OGFRL1: variants seen among roughly 807,000 people sequenced by gnomAD.
OGFRL1 encodes the protein opioid growth factor receptor-like protein 1.
OGFRL1 carries 26 observed loss-of-function variants against 32.4 expected under a neutral mutation model. The ratio of observed to expected loss-of-function variants is 0.80; its 90% CI spans 0.59 to 1.11. The LOEUF is 1.11. Among genes scored for constraint, OGFRL1 ranks in the 50% most tolerant of loss-of-function variants. OGFRL1 has a pLI of 0.00. For synonymous variants in OGFRL1, 211 were observed against 201.2 expected (o/e 1.05, Z -0.41); for missense variants, 521 against 546.4 (o/e 0.95, Z 0.46).
chr6:71,298,176 ACTCATAACT>A (rs1291191538), intron 6 of OGFRL1, among the ~76,000 whole-genome samples: 1 of 151,962 alleles, frequency 6.6e-6, no homozygotes, highest in East Asian at 1.9e-4. Flanking sequence ...AGATCCATTA[ACTCATAACT>A]CAAATTTGAC....
At chr6:71,291,313 G>T (rs962475191) in intron 1 of OGFRL1, 2 of 151,322 alleles carry the variant, frequency 1.3e-5, no homozygotes, top group East Asian at 3.9e-4. Flanking sequence ...TTTTGTTGGA[G>T]TGCTGAGGAC....
intron 1 of OGFRL1, chr6:71,289,500 T>G (rs1765973157): frequency 1.0e-6 from 1 of 966,108 alleles, no homozygotes; most frequent in South Asian, 4.8e-5. Context: ...GGGAGGAACC[T>G]GTCTAAAAAT....
Position 71,289,097 on chromosome 6 carries a change from C to A in OGFRL1, c.161C>A (p.Pro54Gln), listed in dbSNP as rs1001213528. The A allele has an allele frequency of 1.8e-6, 2 of 1,116,938 alleles. No individual in the cohort carries two copies. The highest frequency in any genetic ancestry group is 2.2e-6 in the Non-Finnish European group (2 of 915,720). 69.2% of individuals were successfully genotyped at this position (1,116,938 alleles called of 1,614,324 possible). A position where few individuals can be genotyped will look rare whatever the true frequency, so the allele number is the denominator to read the frequency against. The part of the protein sequence containing the change: ...GQESEQPAQP[P>Q]EQAGGRPGAS... ...GAGTCCGAGCAGCCCGCGCAGCCCCCGGAGCAAGCCGGCGGGCGGCCCGGC... is the reference window on the plus strand; with the variant it reads ...GAGTCCGAGCAGCCCGCGCAGCCCCAGGAGCAAGCCGGCGGGCGGCCCGGC... Residue 54 changes from proline to glutamine, a missense_variant, in exon 1 of 7, where the codon CCG becomes CAG. Coordinates refer to ENST00000370435, the MANE Select transcript of OGFRL1 (RefSeq NM_024576.5).
At chr6:71,295,483 G>A (rs1034864743) in intron 3 of OGFRL1, 5 of 152,126 alleles carry the variant, frequency 3.3e-5, no homozygotes, top group African/African-American at 9.7e-5. Flanking sequence ...TTTTGTTTTT[G>A]TAAGTTCTTG....
At position 71,301,832 on chromosome 6, in the gene OGFRL1, C is replaced by A; in HGVS notation, c.1139C>A (p.Pro380His). 1 of 1,612,990 alleles carries A rather than the reference C, an allele frequency of 6.2e-7. No homozygotes were observed. Among genetic ancestry groups the A allele is most frequent in the East Asian group, 2.2e-5 (1 of 44,882 alleles). Residue 380 changes from proline (P) to histidine (H), a missense_variant, in exon 7 of 7, where the codon CCC becomes CAC. Pro to His is a moderately conservative substitution (Grantham distance 77). Transcript: ENST00000370435. ...GAGCCTGTGGAAGAGACAGACAGGC[C>A]CAGCCCAGAGCCCAGCAATGAAGCT... ...PKEPVEETDR[P>H]SPEPSNEAAK...
chr6:71,296,669 T>C lies in OGFRL1; in HGVS notation c.547-3T>C. The C allele has an allele frequency of 1.9e-6, 3 of 1,609,370 alleles. No individual in the cohort carries two copies. The highest frequency in any genetic ancestry group is 2.5e-6 in the Non-Finnish European group (3 of 1,178,402). On this transcript the variant is annotated splice_region_variant and splice_polypyrimidine_tract_variant and intron_variant, in intron 5 of 6. Coordinates refer to ENST00000370435, the MANE Select transcript of OGFRL1 (RefSeq NM_024576.5). ...AGGTGACTTTTTTCATTTTTTATAT[T>C]AGGAATTCAAAAAAACAAAAGAAGC...
At position 71,301,529 on chromosome 6, in the gene OGFRL1, C is replaced by T; in HGVS notation, c.836C>T (p.Ala279Val). 4 of 1,614,092 alleles carry T rather than the reference C, an allele frequency of 2.5e-6. No individual in the cohort carries two copies. The highest frequency in any genetic ancestry group is 3.4e-6 in the Non-Finnish European group (4 of 1,180,016). ...ENTIPNIKQS[A>V]LEYFVYTIRD... The stretch of plus-strand genomic sequence containing the variant: ...ACTATTCCCAATATTAAGCAGAGTG[C>T]TCTAGAGTATTTTGTTTATACAATT... The change falls in exon 7 of 7, where the codon GCT becomes GTT. Residue 279 changes from alanine to valine, a missense_variant. Coordinates refer to ENST00000370435, the MANE Select transcript of OGFRL1 (RefSeq NM_024576.5).
intron 6 of OGFRL1, among the ~76,000 whole-genome samples, chr6:71,298,396 G>A (rs1205857570): frequency 6.6e-6 from 1 of 152,054 alleles, no homozygotes; most frequent in Non-Finnish European, 1.5e-5. Flanking sequence ...TGTACTTAAC[G>A]ACTATCATTT....
At chr6:71,289,892 A>T in intron 1 of OGFRL1, 3 of 894,194 alleles carry the variant, frequency 3.4e-6, no homozygotes, top group Non-Finnish European at 4.0e-6. Flanking sequence ...TATGTAGCCG[A>T]CCCCCTGAAG....
chr6:71,299,120 C>G (rs1350729974), intron 6 of OGFRL1, among the ~76,000 whole-genome samples: 1 of 152,030 alleles, frequency 6.6e-6, no homozygotes, highest in African/African-American at 2.4e-5. Context: ...ATATTTAGAC[C>G]CTGGGGAGCC....
intron 6 of OGFRL1, 35 bp from the exon 7 acceptor site, chr6:71,301,351 T>G: frequency 6.7e-7 from 1 of 1,498,032 alleles, no homozygotes; most frequent in South Asian, 1.3e-5. Context: ...TACACCTGAT[T>G]TCCCCCACTC....
In OGFRL1 at chr6:71,304,982, C is replaced by T. The variant is rs1206829624; in HGVS notation, c.*2933C>T. The T allele has an allele frequency of 6.6e-6, 1 of 151,790 alleles. No individual in the cohort carries two copies. The highest frequency in any genetic ancestry group is 1.5e-5 in the Non-Finnish European group (1 of 67,838). 9.4% of individuals were successfully genotyped at this position (151,790 alleles called of 1,614,324 possible). ...TCTATAGATATGTATTTATGTGTGTCTTATATATGAAACAGTGCTCTGGGT... is the reference window on the plus strand; with the variant it reads ...TCTATAGATATGTATTTATGTGTGTTTTATATATGAAACAGTGCTCTGGGT... On this transcript the variant is annotated 3_prime_UTR_variant, in exon 7 of 7. Coordinates refer to ENST00000370435, the MANE Select transcript of OGFRL1 (RefSeq NM_024576.5).
Position 71,308,202 on chromosome 6 carries a change from G to A in OGFRL1, c.*6153G>A, listed in dbSNP as rs1314172618. On this transcript the variant is annotated 3_prime_UTR_variant, in exon 7 of 7. Transcript: ENST00000370435. ...AAGTTGATGGTCTGGCTGCAGATAAGAGAAAGACTCAGTGATAGGTGGTTT... is the reference window on the plus strand; with the variant it reads ...AAGTTGATGGTCTGGCTGCAGATAAAAGAAAGACTCAGTGATAGGTGGTTT... 6.6e-6 allele frequency: 1 copy of A among 152,226 alleles called. No individual in the cohort carries two copies. Among genetic ancestry groups the A allele is most frequent in the Admixed American group, 6.5e-5 (1 of 15,276 alleles). The allele number at this position is 152,226 out of a possible 1,614,324, so 9.4% of individuals were successfully genotyped here.
At chr6:71,290,406 T>A (rs1374335416) in intron 1 of OGFRL1, among the ~76,000 whole-genome samples, 1 of 152,202 alleles carries the variant, frequency 6.6e-6, no homozygotes, top group Non-Finnish European at 1.5e-5. Flanking sequence ...TCTCATGTTT[T>A]TCCCTTACGT....
At chr6:71,289,375 T>A in intron 1 of OGFRL1, 1 of 984,372 alleles carries the variant, frequency 1.0e-6, no homozygotes, top group Non-Finnish European at 1.2e-6. Context: ...ACCCTCCCAC[T>A]GCCGGCCTGG....
rs748613667 is a variant in OGFRL1 at position 71,293,355 on chromosome 6, G to A, written c.297G>A (p.Leu99=). ...GAAGTTTTTATGCTGCCAGGGATTT[G>A]TACAAGTACCGACACCAGTACCCAG... ...PKRSFYAARD[L]YKYRHQYPNF... Residue 99 remains leucine, a synonymous_variant, in exon 2 of 7, where the codon TTG becomes TTA. Transcript: ENST00000370435. 1 of 1,613,812 alleles carries A rather than the reference G, an allele frequency of 6.2e-7. No individual in the cohort carries two copies. The highest frequency in any genetic ancestry group is 8.5e-7 in the Non-Finnish European group (1 of 1,179,852).
chr6:71,301,775 A>C lies in OGFRL1; in HGVS notation c.1082A>C (p.Lys361Thr), dbSNP rs182141917. Residue 361 changes from lysine (K) to threonine (T), a missense_variant, in exon 7 of 7, where the codon AAA becomes ACA. Lys to Thr is a moderately conservative substitution (Grantham distance 78, BLOSUM62 -1). Transcript: ENST00000370435. ...TCCTCAGCTGTTCATTTAAATAGCA[A>C]AACAGCTGAAGACAAAAAAGTGGCA... is the stretch of plus-strand genomic sequence containing the variant. ...NSSSAVHLNSKTAEDKKVAPK... is the reference protein window; with the variant it reads ...NSSSAVHLNSTTAEDKKVAPK... 631 of 1,614,016 alleles carry C rather than the reference A, an allele frequency of 3.9e-4. No individual in the cohort carries two copies. The highest frequency in any genetic ancestry group is 4.9e-4 in the Non-Finnish European group (580 of 1,180,012).
In OGFRL1 at chr6:71,307,574, A is replaced by C. The variant is rs545395908; in HGVS notation, c.*5525A>C. 1 of 152,184 alleles carries C rather than the reference A, an allele frequency of 6.6e-6. No homozygotes were observed. The highest frequency in any genetic ancestry group is 1.5e-5 in the Non-Finnish European group (1 of 68,026). 9.4% of individuals were successfully genotyped at this position (152,184 alleles called of 1,614,324 possible). ...GTATATTAATATAAAATCTCTTTAT[A>C]AAATGATTCAGAGAAAAGGCAGTAG... On this transcript the variant is annotated 3_prime_UTR_variant, in exon 7 of 7. Coordinates refer to ENST00000370435, the MANE Select transcript of OGFRL1 (RefSeq NM_024576.5).
chr6:71,293,454 A>G, intron 2 of OGFRL1, 75 bp downstream of exon 2: 1 of 1,564,296 alleles, frequency 6.4e-7, no homozygotes, highest in South Asian at 1.1e-5. Flanking sequence ...GGTGCCACTG[A>G]GAAAACATGC....
Sources: gnomAD v4.1 joint callset for allele counts (sites outside exome capture counted in the v4.1 genomes callset) on GRCh38, gnomAD v4.1.1 for gene constraint, MANE v1.5 for transcripts, NCBI Gene and HGNC (gene_info 2026-07-23, HGNC 2026-07-21) for gene names.